Variants in GRM1 observed in about 807,000 individuals in gnomAD.
GRM1 encodes the protein glutamate metabotropic receptor 1, also known as metabotropic glutamate receptor 1.
GRM1 carries 33 observed loss-of-function variants against 90.9 expected under a neutral mutation model. That is an observed-to-expected ratio of 0.36 (90% CI 0.28 to 0.49). The LOEUF (loss-of-function observed/expected upper bound fraction) is 0.49. Among genes scored for constraint, GRM1 ranks in the 20% least tolerant of loss-of-function variants. The probability of loss-of-function intolerance (pLI) is 0.99; values close to 1 mark genes in which losing one functional copy is unlikely to be tolerated. For synonymous variants in GRM1, 700 were observed against 613.2 expected (o/e 1.14, Z -2.09); for missense variants, 1,190 against 1,534.3 (o/e 0.78, Z 3.75).
intron 7 of GRM1, among the ~76,000 whole-genome samples, chr6:146,421,794 A>G (rs1562689242): frequency 6.6e-6 from 1 of 152,296 alleles, no homozygotes; most frequent in East Asian, 1.9e-4. Flanking sequence ...GTTTTAATAT[A>G]CATGCATGCG....
intron 2 of GRM1, among the ~76,000 whole-genome samples, chr6:146,163,682 C>T (rs1228471363): frequency 6.6e-6 from 1 of 152,124 alleles, no homozygotes; most frequent in Non-Finnish European, 1.5e-5. Flanking sequence ...GAGATATTGG[C>T]ATTAATCTTA....
chr6:146,252,508 G>A (rs927932523), intron 2 of GRM1, among the ~76,000 whole-genome samples: 1 of 152,034 alleles, frequency 6.6e-6, no homozygotes, highest in African/African-American at 2.4e-5. Flanking sequence ...ATGGTGGTGG[G>A]TGCTGAGGCA....
At chr6:146,142,692 A>C (rs1330921568) in intron 1 of GRM1, among the ~76,000 whole-genome samples, 1 of 149,886 alleles carries the variant, frequency 6.7e-6, no homozygotes, top group African/African-American at 2.4e-5. Context: ...GCCTGCAGAC[A>C]GTACTGCGAC....
intron 3 of GRM1, among the ~76,000 whole-genome samples, chr6:146,312,622 A>G (rs1007233793): frequency 6.6e-6 from 1 of 152,206 alleles, no homozygotes; most frequent in Non-Finnish European, 1.5e-5. Flanking sequence ...GCATAGATGC[A>G]GAAAACTTCT....
At chr6:146,231,505 A>G (rs1562544285) in intron 2 of GRM1, among the ~76,000 whole-genome samples, 1 of 152,116 alleles carries the variant, frequency 6.6e-6, no homozygotes. Flanking sequence ...GATGAAAACT[A>G]TAAAAAATCA....
chr6:146,244,232 A>G (rs1780972543), intron 2 of GRM1, among the ~76,000 whole-genome samples: 1 of 152,206 alleles, frequency 6.6e-6, no homozygotes, highest in African/African-American at 2.4e-5. Flanking sequence ...AGGCATAGGA[A>G]ATCACAAGAG....
At chr6:146,143,560 G>A (rs188819048) in intron 1 of GRM1, among the ~76,000 whole-genome samples, 1 of 152,156 alleles carries the variant, frequency 6.6e-6, no homozygotes, top group Non-Finnish European at 1.5e-5. Context: ...GCAGTATCTT[G>A]TTCCCTGTTT....
intron 1 of GRM1, among the ~76,000 whole-genome samples, chr6:146,046,436 T>C (rs188124434): frequency 2.0e-3 from 305 of 152,102 alleles, no homozygotes; most frequent in African/African-American, 6.9e-3. Context: ...ATGACTATCA[T>C]TGTAGCCCAG....
At chr6:146,357,317 A>C (rs1785622097) in intron 4 of GRM1, among the ~76,000 whole-genome samples, 1 of 152,204 alleles carries the variant, frequency 6.6e-6, no homozygotes, top group Non-Finnish European at 1.5e-5. Context: ...ATTTTTAGTG[A>C]ATATGGATGA....
At chr6:146,278,750 C>T (rs1025159944) in intron 2 of GRM1, among the ~76,000 whole-genome samples, 1 of 152,208 alleles carries the variant, frequency 6.6e-6, no homozygotes, top group Non-Finnish European at 1.5e-5. Flanking sequence ...CGCTACTGCA[C>T]TCCAGCCTGG....
chr6:146,389,438 T>A (rs1031016452), intron 6 of GRM1, among the ~76,000 whole-genome samples: 4 of 152,140 alleles, frequency 2.6e-5, no homozygotes, highest in Non-Finnish European at 5.9e-5. Context: ...AAACATGATA[T>A]GATGTAATAG....
intron 2 of GRM1, among the ~76,000 whole-genome samples, chr6:146,179,662 G>A (rs562713577): frequency 3.3e-5 from 5 of 152,086 alleles, no homozygotes; most frequent in East Asian, 1.9e-4. Context: ...TACAGGTGCC[G>A]GCCACCATGC....
At chr6:146,165,673 C>T (rs1777880429) in intron 2 of GRM1, among the ~76,000 whole-genome samples, 1 of 152,090 alleles carries the variant, frequency 6.6e-6, no homozygotes, top group African/African-American at 2.4e-5. Flanking sequence ...GCTCTACAGA[C>T]AGATTAATGA....
At chr6:146,395,825 A>G (rs1776906333) in intron 6 of GRM1, among the ~76,000 whole-genome samples, 2 of 152,160 alleles carry the variant, frequency 1.3e-5, no homozygotes, top group South Asian at 4.1e-4. Flanking sequence ...AAAGTTGCAT[A>G]GAAAAAGAAT....
chr6:146,305,475 C>T (rs1783543510), intron 3 of GRM1, among the ~76,000 whole-genome samples: 1 of 152,166 alleles, frequency 6.6e-6, no homozygotes, highest in South Asian at 2.1e-4. Context: ...CTAGTACTAC[C>T]ATAACCCAGA....
At chr6:146,266,842 G>T (rs1781907348) in intron 2 of GRM1, among the ~76,000 whole-genome samples, 1 of 152,152 alleles carries the variant, frequency 6.6e-6, no homozygotes. Context: ...CCTTCCAAGT[G>T]GTAGAGATAA....
chr6:146,318,312 C>T (rs1347506931), intron 3 of GRM1, among the ~76,000 whole-genome samples: 1 of 152,096 alleles, frequency 6.6e-6, no homozygotes, highest in African/African-American at 2.4e-5. Context: ...CATCCATGTC[C>T]CTGCAAAGGA....
chr6:146,250,571 CAATT>C (rs1781234690), intron 2 of GRM1, among the ~76,000 whole-genome samples: 1 of 152,190 alleles, frequency 6.6e-6, no homozygotes, highest in African/African-American at 2.4e-5. Context: ...AACTGTGACT[CAATT>C]AAACCTCTTT....
chr6:146,422,142 G>A (rs1236343768), intron 7 of GRM1, among the ~76,000 whole-genome samples: 2 of 152,124 alleles, frequency 1.3e-5, no homozygotes, highest in East Asian at 3.9e-4. Context: ...TTTTATCTCT[G>A]CTAAAAAGTA....
Sources: gnomAD v4.1 joint callset for allele counts (sites outside exome capture counted in the v4.1 genomes callset) on GRCh38, gnomAD v4.1.1 for gene constraint, MANE v1.5 for transcripts, NCBI Gene and HGNC (gene_info 2026-07-23, HGNC 2026-07-21) for gene names.